The following GLI2 variants were observed in gnomAD, a reference collection of about 807,000 sequenced individuals.
The protein encoded by GLI2 is GLI family zinc finger 2.
GLI2 carries 22 observed loss-of-function variants against 78.9 expected under a neutral mutation model. The observed-to-expected ratio is 0.28, with a 90% CI of 0.20 to 0.40. The LOEUF is 0.40. Among genes scored for constraint, GLI2 ranks in the 10% least tolerant of loss-of-function variants. The pLI, the probability that GLI2 is intolerant of heterozygous loss-of-function variation, is 1.00. For synonymous variants in GLI2, 974 were observed against 963.7 expected (o/e 1.01, Z -0.20); for missense variants, 2,097 against 2,213.2 (o/e 0.95, Z 1.05).
At chr2:120,877,857 A>C (rs1360808961) in intron 2 of GLI2, among the ~76,000 whole-genome samples, 1 of 152,164 alleles carries the variant, frequency 6.6e-6, no homozygotes, top group East Asian at 1.9e-4. Context: ...ATGAATGTCT[A>C]TGTGCATTTT....
At chr2:120,896,140 AG>A (rs1325165915) in intron 2 of GLI2, among the ~76,000 whole-genome samples, 1 of 152,200 alleles carries the variant, frequency 6.6e-6, no homozygotes, top group Non-Finnish European at 1.5e-5. Context: ...GATCTTGGGC[AG>A]GTTGGTTCTC....
chr2:120,989,664 C>T lies in GLI2; in HGVS notation c.3699C>T (p.Val1233=), dbSNP rs1195795024. The change falls in exon 14 of 14, where the codon GTC becomes GTT. Residue 1233 remains valine (V), a synonymous_variant. Coordinates refer to ENST00000361492, the MANE Select transcript of GLI2 (RefSeq NM_001374353.1). The part of the protein sequence containing the change: ...TMSPHACYGQ[V]HPQLSPSTIS... ...GCCCCCATGCCTGCTATGGCCAAGTCCACCCCCAGCTGAGCCCCAGCACCA... is the reference window on the plus strand; with the variant it reads ...GCCCCCATGCCTGCTATGGCCAAGTTCACCCCCAGCTGAGCCCCAGCACCA... 6.2e-7 allele frequency: 1 copy of T among 1,613,422 alleles called. No homozygotes were observed. The highest frequency in any genetic ancestry group is 1.7e-5 in the Admixed American group (1 of 60,030).
rs1416131182 is a variant in GLI2, at chr2:120,843,672, T to C, written c.148+46204T>C. On this transcript the variant is annotated intron_variant, in intron 2 of 13. Coordinates refer to ENST00000361492, the MANE Select transcript of GLI2 (RefSeq NM_001374353.1). ...CAGGGAGGAGTGTGGTTTATTTTTG[T>C]TGTTGTTGTTTTGAGACAGAGTCTC... is the stretch of plus-strand genomic sequence containing the variant. Among the ~76,000 whole-genome samples the C allele has an allele frequency of 2.6e-5, 4 of 151,828 alleles. No homozygotes were observed. In the East Asian group the frequency reaches 7.8e-4, roughly 29 times the overall value.
intron 1 of GLI2, among the ~76,000 whole-genome samples, chr2:120,776,837 G>A (rs1008835022): frequency 7.9e-5 from 12 of 152,220 alleles, no homozygotes; most frequent in Admixed American, 2.0e-4. Context: ...CCAGTGGGCC[G>A]GGGACTGCCT....
At chr2:120,787,114 G>T (rs1684019004) in intron 1 of GLI2, among the ~76,000 whole-genome samples, 1 of 152,216 alleles carries the variant, frequency 6.6e-6, no homozygotes, top group Admixed American at 6.5e-5. Flanking sequence ...ACAGACCCCT[G>T]CCTGGCCTGG....
intron 2 of GLI2, among the ~76,000 whole-genome samples, chr2:120,891,782 A>G (rs1677694295): frequency 6.6e-6 from 1 of 152,138 alleles, no homozygotes; most frequent in Non-Finnish European, 1.5e-5. Context: ...TGCCCTTTCC[A>G]TGCACCCTGA....
intron 2 of GLI2, among the ~76,000 whole-genome samples, chr2:120,810,040 T>C (rs976827317): frequency 2.0e-5 from 3 of 152,212 alleles, no homozygotes; most frequent in African/African-American, 7.2e-5. Flanking sequence ...TCCAGGTGGA[T>C]GAGCCCCAGG....
Position 120,800,638 on chromosome 2 carries a change from G to C in GLI2, c.148+3170G>C, listed in dbSNP as rs563195213. On this transcript the variant is annotated intron_variant, in intron 2 of 13. Transcript: ENST00000361492. The surrounding 1 kb of genome is among the most constrained non-coding windows in gnomAD (Gnocchi z 4.1). ...CTCCTGCCTCAGCCTCCCAGTAGCT[G>C]GGACTACAGGCACCCGCCACCACAC... 1.4e-3 allele frequency among the ~76,000 whole-genome samples: 208 copies of C among 151,308 alleles called. 2 individuals are homozygous for C. The highest frequency in any genetic ancestry group is 3.5e-3 in the East Asian group (18 of 5,088).
intron 11 of GLI2, among the ~76,000 whole-genome samples, chr2:120,983,946 G>GGGT (rs112474343): frequency 0.02 from 2,817 of 143,080 alleles, 56 homozygotes; most frequent in African/African-American, 0.057. Context: ...TGGTGTGTGG[G>GGGT]GTGTGTGTGT....
chr2:120,901,885 ATTGGGTATTCTCATT>A (rs1678274549), intron 2 of GLI2, among the ~76,000 whole-genome samples: 1 of 152,186 alleles, frequency 6.6e-6, no homozygotes, highest in East Asian at 1.9e-4. Flanking sequence ...TCTTTTCAGC[ATTGGGTATTCTCATT>A]TTTAAACATA....
intron 2 of GLI2, among the ~76,000 whole-genome samples, chr2:120,886,103 G>T (rs1677381372): frequency 6.7e-6 from 1 of 149,062 alleles, no homozygotes; most frequent in South Asian, 2.1e-4. Context: ...GTGTGTTTTG[G>T]TTTTGGGGTT....
chr2:120,957,197 G>T (rs1681315920), intron 5 of GLI2, among the ~76,000 whole-genome samples: 1 of 152,184 alleles, frequency 6.6e-6, no homozygotes, highest in African/African-American at 2.4e-5. Context: ...GCCATAACAT[G>T]CCTCAGTGAT....
Position 120,990,978 on chromosome 2 carries a change from C to T in GLI2, c.*303C>T, listed in dbSNP as rs893177974. 4 of 361,100 alleles carry T rather than the reference C, an allele frequency of 1.1e-5. No individual in the cohort carries two copies. The highest frequency in any genetic ancestry group is 1.5e-5 in the Non-Finnish European group (3 of 199,500). The allele number at this position is 361,100 out of a possible 1,614,324, so 22.4% of individuals were successfully genotyped here. A position where few individuals can be genotyped will look rare whatever the true frequency, so the allele number is the denominator to read the frequency against. ...GGACCGCGCTGTTCCGGCTTCTTCACGGCTGACATTCGGCTAACGAGGGAT... is the reference window on the plus strand; with the variant it reads ...GGACCGCGCTGTTCCGGCTTCTTCATGGCTGACATTCGGCTAACGAGGGAT... On this transcript the variant is annotated 3_prime_UTR_variant, in exon 14 of 14. Coordinates refer to ENST00000361492, the MANE Select transcript of GLI2 (RefSeq NM_001374353.1).
intron 2 of GLI2, among the ~76,000 whole-genome samples, chr2:120,856,753 C>T (rs1687663199): frequency 6.6e-6 from 1 of 152,148 alleles, no homozygotes; most frequent in Non-Finnish European, 1.5e-5. Context: ...CTGGGCTGCT[C>T]TGTTGGCTGT....
rs1319111886 is a variant in GLI2 at position 120,942,584 on chromosome 2, C to T, written c.255-8659C>T. On this transcript the variant is annotated intron_variant, in intron 3 of 13. Coordinates refer to ENST00000361492, the MANE Select transcript of GLI2 (RefSeq NM_001374353.1). ...CCAGTAAGTTCTTGTTCACAGGTTC[C>T]GGGGATAGAACATGGACATATCTCT... 5.9e-5 allele frequency among the ~76,000 whole-genome samples: 9 copies of T among 152,310 alleles called. 1 individual carries two copies. The highest frequency in any genetic ancestry group is 3.9e-4 in the East Asian group (2 of 5,192).
intron 2 of GLI2, among the ~76,000 whole-genome samples, chr2:120,845,554 A>T (rs1687076269): frequency 6.6e-6 from 1 of 152,080 alleles, no homozygotes; most frequent in Non-Finnish European, 1.5e-5. Flanking sequence ...CACTCCGCCC[A>T]GTTTTGGGTG....
chr2:120,806,271 A>G (rs6733944), intron 2 of GLI2, among the ~76,000 whole-genome samples: 88,819 of 151,966 alleles, frequency 0.58, 26,365 homozygotes, highest in South Asian at 0.7. Flanking sequence ...GCTGTGGGGC[A>G]CCCGGGCCTG....
At chr2:120,814,021 C>T (rs1019798191) in intron 2 of GLI2, among the ~76,000 whole-genome samples, 8 of 151,954 alleles carry the variant, frequency 5.3e-5, no homozygotes, top group African/African-American at 1.9e-4. Context: ...CCCCCGAGAA[C>T]AACTGGAGCT....
At chr2:120,809,630 CTGGTCGTG>C (rs1448857845) in intron 2 of GLI2, among the ~76,000 whole-genome samples, 4 of 152,106 alleles carry the variant, frequency 2.6e-5, no homozygotes, top group Non-Finnish European at 5.9e-5. Flanking sequence ...GCATGGGGGC[CTGGTCGTG>C]CTGCTGCTCA....
Sources: allele counts gnomAD v4.1 joint callset (sites outside exome capture counted in the v4.1 genomes callset), GRCh38; gene constraint gnomAD v4.1.1; non-coding constraint Gnocchi (gnomAD v3.1); transcripts MANE v1.5; gene names NCBI Gene and HGNC (gene_info 2026-07-23, HGNC 2026-07-21).